Variants in PDZD2 observed in about 807,000 individuals in gnomAD.
PDZD2 encodes PDZ domain containing 2, also known as PDZ domain-containing protein 2.
In PDZD2, 90 loss-of-function variants were observed where a neutral mutation model predicts 220.7. The observed-to-expected ratio is 0.41, with a 90% confidence interval of 0.34 to 0.49. The LOEUF is 0.49. Among genes scored for constraint, PDZD2 ranks in the 20% least tolerant of loss-of-function variants. The pLI, the probability that PDZD2 is intolerant of heterozygous loss-of-function variation, is 0.28. For synonymous variants in PDZD2, 1,375 were observed against 1,450.5 expected (o/e 0.95, Z 1.18); for missense variants, 3,174 against 3,608.5 (o/e 0.88, Z 3.08).
At chr5:31,774,068 A>G (rs959950670) in intron 1 of PDZD2, among the ~76,000 whole-genome samples, 1 of 152,096 alleles carries the variant, frequency 6.6e-6, no homozygotes, top group Non-Finnish European at 1.5e-5. Flanking sequence ...TTAAATCACC[A>G]ATAACAGCTT....
Position 32,046,707 on chromosome 5 carries a change from C to G in PDZD2, c.1520-1832C>G, listed in dbSNP as rs564971335. On this transcript the variant is annotated intron_variant, in intron 7 of 24. Transcript: ENST00000438447. ...AGACACGGAGAAGATATTTACAATC[C>G]ATAGATCCCATAAAAGACCCTTATT... Among the ~76,000 whole-genome samples the G allele has an allele frequency of 2.4e-4, 37 of 152,092 alleles. No individual in the cohort carries two copies. In the South Asian group the frequency reaches 7.5e-3, roughly 31 times the overall value.
chr5:32,087,574 C>G lies in PDZD2; in HGVS notation c.4126C>G (p.Pro1376Ala), dbSNP rs1561547932. The G allele has an allele frequency of 5.0e-6, 8 of 1,613,918 alleles. No homozygotes were observed. In the Admixed American group the frequency reaches 8.3e-5, roughly 17 times the overall value. Residue 1376 changes from proline to alanine, a missense_variant, in exon 20 of 25, where the codon CCT (proline) becomes GCT (alanine). Pro to Ala is a conservative substitution (Grantham distance 27). Around this residue, in one of 4 missense-constraint regions of PDZD2, gnomAD observed 1,861 missense variants for 2,001.0 expected, o/e 0.93. Coordinates refer to ENST00000438447, the MANE Select transcript of PDZD2 (RefSeq NM_178140.4). The surrounding 1 kb of genome is among the most constrained non-coding windows in gnomAD (Gnocchi z 4.0). ...CCATGCACCTGAAAGCTCCCAGGAG[C>G]CTTCCCTGCTGGAGGGAGCAGATTC... ...GIHAPESSQE[P>A]SLLEGADSVS...
At chr5:31,745,543 A>ATT (rs1302821237) in intron 1 of PDZD2, among the ~76,000 whole-genome samples, 25 of 152,302 alleles carry the variant, frequency 1.6e-4, no homozygotes, top group African/African-American at 5.5e-4. Context: ...TGTGAAGCCC[A>ATT]AATCACCTTC....
At chr5:31,649,458 C>T (rs1471483439) in intron 1 of PDZD2, among the ~76,000 whole-genome samples, 3 of 151,726 alleles carry the variant, frequency 2.0e-5, no homozygotes, top group East Asian at 3.9e-4. Flanking sequence ...ACAGGACCAC[C>T]CCCAGGTACT....
intron 7 of PDZD2, among the ~76,000 whole-genome samples, chr5:32,040,423 C>T (rs567397327): frequency 7.1e-6 from 1 of 140,800 alleles, no homozygotes; most frequent in South Asian, 2.4e-4. Context: ...AAGTGAGGAG[C>T]GTCTCTGCCG....
At position 31,965,825 on chromosome 5, in the gene PDZD2, A is replaced by G. The variant is rs971154705; in HGVS notation, c.477-17330A>G. Among the ~76,000 whole-genome samples, 9 of 152,126 alleles carry G rather than the reference A, an allele frequency of 5.9e-5. 1 individual carries two copies. Among genetic ancestry groups the G allele is most frequent in the African/African-American group, 1.9e-4 (8 of 41,430 alleles). ...GAGACAGGAGAATCACTTGAACCCA[A>G]GAGGCAGAGGTTGCGGTGAGCCTGG... On this transcript the variant is annotated intron_variant, in intron 2 of 24. Coordinates refer to ENST00000438447, the MANE Select transcript of PDZD2 (RefSeq NM_178140.4).
chr5:31,939,190 G>A (rs2150400705), intron 2 of PDZD2, among the ~76,000 whole-genome samples: 1 of 152,258 alleles, frequency 6.6e-6, no homozygotes, highest in South Asian at 2.1e-4. Flanking sequence ...GAGCTGGGAG[G>A]GGTGGGTCCT....
In PDZD2 at chr5:31,845,114, A is replaced by G. The variant is rs559414846; in HGVS notation, c.476+45390A>G. 9.2e-5 allele frequency among the ~76,000 whole-genome samples: 14 copies of G among 152,318 alleles called. No homozygotes were observed. The East Asian group carries it at 1.7e-3, about 19-fold the overall frequency. ...TCTCTCCGTCAGATGCCAGTAAGCAATCGGACTATCAAACATCTCCAGACA... is the reference window on the plus strand; with the variant it reads ...TCTCTCCGTCAGATGCCAGTAAGCAGTCGGACTATCAAACATCTCCAGACA... On this transcript the variant is annotated intron_variant, in intron 2 of 24. Coordinates refer to ENST00000438447, the MANE Select transcript of PDZD2 (RefSeq NM_178140.4).
At chr5:31,968,042 A>G (rs12109021) in intron 2 of PDZD2, among the ~76,000 whole-genome samples, 362 of 152,328 alleles carry the variant, frequency 2.4e-3, no homozygotes, top group African/African-American at 8.3e-3. Flanking sequence ...ACATATTGAA[A>G]TCTAATCCCC....
chr5:31,772,110 C>G (rs1490427633), intron 1 of PDZD2, among the ~76,000 whole-genome samples: 1 of 152,108 alleles, frequency 6.6e-6, no homozygotes, highest in Non-Finnish European at 1.5e-5. Flanking sequence ...ATGTTCAGTT[C>G]TTTGTCCTCC....
intron 2 of PDZD2, among the ~76,000 whole-genome samples, chr5:31,897,965 T>C (rs1741725390): frequency 6.6e-6 from 1 of 152,154 alleles, no homozygotes; most frequent in Admixed American, 6.5e-5. Flanking sequence ...GTCTCAAAAC[T>C]CCTGACCTCA....
intron 5 of PDZD2, among the ~76,000 whole-genome samples, chr5:32,008,576 C>T (rs1471575375): frequency 6.6e-6 from 1 of 152,142 alleles, no homozygotes; most frequent in South Asian, 2.1e-4. Flanking sequence ...TGAGCCACTG[C>T]GCCCAGCCAG....
At chr5:31,737,326 C>T (rs1373993091) in intron 1 of PDZD2, among the ~76,000 whole-genome samples, 1 of 151,868 alleles carries the variant, frequency 6.6e-6, no homozygotes, top group Admixed American at 6.6e-5. Context: ...GCGCCCACCA[C>T]CACGCCCAGC....
intron 6 of PDZD2, among the ~76,000 whole-genome samples, chr5:32,020,554 A>G (rs185621347): frequency 1.2e-4 from 18 of 152,326 alleles, no homozygotes; most frequent in African/African-American, 1.2e-4. Context: ...CTGCACTGTC[A>G]GAATCTTACT....
At chr5:31,881,590 C>A (rs1739930709) in intron 2 of PDZD2, among the ~76,000 whole-genome samples, 1 of 151,780 alleles carries the variant, frequency 6.6e-6, no homozygotes, top group African/African-American at 2.4e-5. Flanking sequence ...GTTGGCCAGA[C>A]TGGTCTCAAA....
intron 2 of PDZD2, among the ~76,000 whole-genome samples, chr5:31,898,058 C>T (rs1024794529): frequency 6.6e-6 from 1 of 152,088 alleles, no homozygotes; most frequent in Non-Finnish European, 1.5e-5. Flanking sequence ...TGTATCTTTT[C>T]TCTCCCCGTC....
rs1353348715 is a variant in PDZD2 at position 31,798,964 on chromosome 5, C to T, written c.-285C>T. Reference sequence around the variant, plus strand: ...CATTCCTGTGTCATTTGCATGGGTCCTGCTGTGAAATGAACCTGGCAGGGA... The same window carrying T: ...CATTCCTGTGTCATTTGCATGGGTCTTGCTGTGAAATGAACCTGGCAGGGA... On this transcript the variant is annotated 5_prime_UTR_variant, in exon 2 of 25. Transcript: ENST00000438447. The T allele has an allele frequency of 2.2e-6, 1 of 455,884 alleles. No homozygotes were observed. The highest frequency in any genetic ancestry group is 3.9e-6 in the Non-Finnish European group (1 of 254,866). 28.2% of individuals were successfully genotyped at this position (455,884 alleles called of 1,614,324 possible).
chr5:31,955,950 A>G (rs758730327), intron 2 of PDZD2, among the ~76,000 whole-genome samples: 1 of 151,842 alleles, frequency 6.6e-6, no homozygotes, highest in East Asian at 1.9e-4. Context: ...TTTTCTTCCT[A>G]TTATTTGTAG....
chr5:31,691,222 T>C (rs1306929691), intron 1 of PDZD2, among the ~76,000 whole-genome samples: 4 of 152,064 alleles, frequency 2.6e-5, no homozygotes, highest in Non-Finnish European at 5.9e-5. Context: ...CGGTGAGTGT[T>C]ACAGCTCTTA....
Sources: allele counts gnomAD v4.1 joint callset (sites outside exome capture counted in the v4.1 genomes callset), GRCh38; gene constraint gnomAD v4.1.1; regional missense constraint gnomAD v4.1.1; non-coding constraint Gnocchi (gnomAD v3.1); transcripts MANE v1.5; gene names NCBI Gene and HGNC (gene_info 2026-07-23, HGNC 2026-07-21).